RYR3: variants seen among roughly 807,000 people sequenced by gnomAD.
RYR3 encodes the protein ryanodine receptor 3, also known as brain ryanodine receptor-calcium release channel.
In RYR3, 207 loss-of-function variants were observed where a neutral mutation model predicts 584.3. The ratio of observed to expected loss-of-function variants is 0.35; its 90% CI spans 0.32 to 0.40. The LOEUF is 0.40. Among genes scored for constraint, RYR3 ranks in the 10% least tolerant of loss-of-function variants. RYR3 has a pLI of 1.00. For missense variants in RYR3, 5,616 were observed against 6,089.2 expected (o/e 0.92, Z 2.59); for synonymous variants, 2,416 against 2,248.5 (o/e 1.07, Z -2.11).
intron 16 of RYR3, among the ~76,000 whole-genome samples, chr15:33,593,732 C>A (rs1567618181): frequency 6.6e-6 from 1 of 152,108 alleles, no homozygotes; most frequent in Non-Finnish European, 1.5e-5. Flanking sequence ...AGAATTCAGT[C>A]CCAAACTGTA....
Position 33,800,801 on chromosome 15 carries a change from T to A in RYR3, c.9862T>A (p.Ser3288Thr), listed in dbSNP as rs1468951575. The A allele has an allele frequency of 4.3e-6, 7 of 1,613,910 alleles. No individual in the cohort carries two copies. Among genetic ancestry groups the A allele is most frequent in the Non-Finnish European group, 5.9e-6 (7 of 1,179,768 alleles). ...SNWLKSPDAD[S>T]DQLFRMVAEV... ...CTGGCTGAAAAGTCCTGATGCTGAT[T>A]CTGACCAGCTCTTCCGCATGGTGGC... Residue 3288 changes from serine (S) to threonine (T), a missense_variant, in exon 68 of 104, where the codon TCT (serine) becomes ACT (threonine). Physicochemically the swap from Ser to Thr is moderately conservative, Grantham distance 58 (BLOSUM62 1). This residue lies in a region of RYR3 where 954 missense variants were observed against 1,132.2 expected (regional missense o/e 0.84). Transcript: ENST00000634891.
At chr15:33,861,573 G>A (rs1287998992) in intron 102 of RYR3, among the ~76,000 whole-genome samples, 2 of 150,292 alleles carry the variant, frequency 1.3e-5, no homozygotes, top group African/African-American at 4.9e-5. Flanking sequence ...CAGCACAATT[G>A]AAAGCTGTCC....
chr15:33,358,403 G>A (rs555796735), intron 1 of RYR3, among the ~76,000 whole-genome samples: 4 of 152,256 alleles, frequency 2.6e-5, no homozygotes, highest in South Asian at 2.1e-4. Flanking sequence ...TGGCTTACTT[G>A]GAATTTGTTT....
At chr15:33,434,639 T>C (rs1161198974) in intron 1 of RYR3, among the ~76,000 whole-genome samples, 2 of 152,186 alleles carry the variant, frequency 1.3e-5, no homozygotes, top group Non-Finnish European at 2.9e-5. Flanking sequence ...AACACTCGCA[T>C]ACTTGCTATT....
intron 43 of RYR3, among the ~76,000 whole-genome samples, chr15:33,718,407 C>T (rs2067657707): frequency 6.6e-6 from 1 of 152,116 alleles, no homozygotes; most frequent in East Asian, 1.9e-4. Context: ...TAGCAAGACC[C>T]TTGAGCACAC....
chr15:33,627,479 A>AGGT (rs1489092099), intron 20 of RYR3, among the ~76,000 whole-genome samples: 1 of 152,160 alleles, frequency 6.6e-6, no homozygotes, highest in Non-Finnish European at 1.5e-5. Context: ...GTGCTGAGGA[A>AGGT]GGTGGGTGTG....
intron 19 of RYR3, among the ~76,000 whole-genome samples, chr15:33,622,056 C>T (rs995768371): frequency 6.6e-6 from 1 of 152,190 alleles, no homozygotes; most frequent in Non-Finnish European, 1.5e-5. Context: ...GCTTGGATCA[C>T]CTCCGTCCAA....
chr15:33,794,153 T>TATTTATATATAATATACATA (rs1567184665), intron 67 of RYR3, among the ~76,000 whole-genome samples: 4,560 of 97,760 alleles, frequency 0.047, 137 homozygotes, highest in East Asian at 0.13. Context: ...CATAAATATA[T>TATTTATATATAATATACATA]AATATATAAT....
intron 1 of RYR3, among the ~76,000 whole-genome samples, chr15:33,456,346 T>A (rs1163027896): frequency 6.6e-6 from 1 of 151,566 alleles, no homozygotes; most frequent in Non-Finnish European, 1.5e-5. Flanking sequence ...ACACTGACTG[T>A]TTGTAGGCAG....
intron 86 of RYR3, among the ~76,000 whole-genome samples, chr15:33,834,182 G>A (rs1373932260): frequency 6.6e-6 from 1 of 151,954 alleles, no homozygotes; most frequent in African/African-American, 2.4e-5. Flanking sequence ...TACTTGGGAG[G>A]CTGAGTCACA....
At chr15:33,757,855 A>T in intron 60 of RYR3, 1 of 475,260 alleles carries the variant, frequency 2.1e-6, no homozygotes, top group East Asian at 3.9e-5. Flanking sequence ...AGAGATTAAG[A>T]TGGCCGAATA....
At position 33,829,769 on chromosome 15, in the gene RYR3, AT is replaced by A. The variant is rs1196881130; in HGVS notation, c.11335-1190del. Among the ~76,000 whole-genome samples, 6 of 123,806 alleles carry A rather than the reference AT, an allele frequency of 4.8e-5. No homozygotes were observed. The South Asian group carries it at 1.1e-3, about 23-fold the overall frequency. The allele number at this position is 123,806 out of a possible 152,430, so 81.2% of individuals were successfully genotyped here. A position where few individuals can be genotyped will look rare whatever the true frequency, so the allele number is the denominator to read the frequency against. On this transcript the variant is annotated intron_variant, in intron 85 of 103. Coordinates refer to ENST00000634891, the MANE Select transcript of RYR3 (RefSeq NM_001036.6). Reference sequence around the variant, plus strand: ...TCTGTCTCAAAAAAAAAAAAAAAAAATTTTGATTCATGGGAGAAGGTCAAAT... The same window carrying A: ...TCTGTCTCAAAAAAAAAAAAAAAAAATTTGATTCATGGGAGAAGGTCAAAT...
intron 80 of RYR3, among the ~76,000 whole-genome samples, chr15:33,822,151 T>C (rs1385123204): frequency 6.6e-6 from 1 of 152,152 alleles, no homozygotes; most frequent in Non-Finnish European, 1.5e-5. Context: ...CTAGTGAGCA[T>C]TAAATGCGAC....
intron 32 of RYR3, among the ~76,000 whole-genome samples, chr15:33,659,026 G>T (rs566539411): frequency 6.6e-6 from 1 of 152,282 alleles, no homozygotes; most frequent in East Asian, 1.9e-4. Context: ...CTCAATCAGG[G>T]GTACTTTTGC....
intron 35 of RYR3, 85 bp downstream of exon 35, chr15:33,663,033 A>C: frequency 7.8e-7 from 1 of 1,276,116 alleles, no homozygotes; most frequent in East Asian, 2.3e-5. Flanking sequence ...GGATTAAAGG[A>C]GGTAAGGTAT....
At chr15:33,368,525 A>G (rs1177996607) in intron 1 of RYR3, among the ~76,000 whole-genome samples, 1 of 151,880 alleles carries the variant, frequency 6.6e-6, no homozygotes, top group Non-Finnish European at 1.5e-5. Context: ...GATCTTCCCA[A>G]GGCTGTTGAA....
At chr15:33,496,621 AG>A in intron 2 of RYR3, among the ~76,000 whole-genome samples, 1 of 152,284 alleles carries the variant, frequency 6.6e-6, no homozygotes, top group East Asian at 1.9e-4. Context: ...TTTAAACAGA[AG>A]GGAAGAATGC....
At chr15:33,585,957 G>A (rs1476380514) in intron 15 of RYR3, 41 bp from the exon 16 acceptor site, 2 of 1,207,634 alleles carry the variant, frequency 1.7e-6, no homozygotes, top group Admixed American at 1.7e-5. Flanking sequence ...CTTCTGCAGG[G>A]CATTTAATGT....
chr15:33,438,509 C>T (rs2045931379), intron 1 of RYR3, among the ~76,000 whole-genome samples: 1 of 152,130 alleles, frequency 6.6e-6, no homozygotes, highest in Admixed American at 6.5e-5. Flanking sequence ...GTCCCAACCC[C>T]ATTTCCTATT....
Sources: gnomAD v4.1 joint callset for allele counts (sites outside exome capture counted in the v4.1 genomes callset) on GRCh38, gnomAD v4.1.1 for gene constraint, gnomAD v4.1.1 regional missense constraint, MANE v1.5 for transcripts, NCBI Gene and HGNC (gene_info 2026-07-23, HGNC 2026-07-21) for gene names.